Variants in PBRM1 observed in about 807,000 individuals in gnomAD.
The protein encoded by PBRM1 is polybromo 1.
PBRM1 carries 27 observed loss-of-function variants against 194.5 expected under a neutral mutation model. The observed-to-expected ratio is 0.14, with a 90% confidence interval of 0.10 to 0.19. The LOEUF is 0.19. Ranked by LOEUF, PBRM1 falls within the 10% of genes least tolerant of loss-of-function variation. The pLI is 1.00. For synonymous variants in PBRM1, 655 were observed against 693.2 expected (o/e 0.94, Z 0.87); for missense variants, 1,466 against 2,077.2 (o/e 0.71, Z 5.72).
chr3:52,612,448 G>A (rs1015000029), intron 15 of PBRM1, among the ~76,000 whole-genome samples: 2 of 151,764 alleles, frequency 1.3e-5, no homozygotes, highest in African/African-American at 4.8e-5. Flanking sequence ...CTATTTATAA[G>A]AAATAAGGGA....
chr3:52,609,523 A>C lies in PBRM1; in HGVS notation c.2357T>G (p.Phe786Cys). The change falls in exon 16 of 30, where the codon TTT becomes TGT. Residue 786 changes from phenylalanine (F) to cysteine (C), a missense_variant. Transcript: ENST00000296302. This position sits in a 1 kb window ranked among gnomAD's most constrained non-coding sequence, Gnocchi z 4.1. ...ATCCTGATGACTCATGACTGACACAAAAAGATTGTGGATAAGCTCTTGAAT... is the reference window on the plus strand; with the variant it reads ...ATCCTGATGACTCATGACTGACACACAAAGATTGTGGATAAGCTCTTGAAT... 6.2e-7 allele frequency: 1 copy of C among 1,614,036 alleles called. No individual in the cohort carries two copies. Among genetic ancestry groups the C allele is most frequent in the Non-Finnish European group, 8.5e-7 (1 of 1,179,910 alleles).
chr3:52,601,942 G>C (rs2153306506), intron 17 of PBRM1, among the ~76,000 whole-genome samples: 1 of 152,280 alleles, frequency 6.6e-6, no homozygotes, highest in South Asian at 2.1e-4. Context: ...CATGAAGATG[G>C]GTGCCAGTTG....
chr3:52,674,282 G>A (rs1283156458), intron 2 of PBRM1, among the ~76,000 whole-genome samples: 8 of 151,608 alleles, frequency 5.3e-5, no homozygotes, highest in Admixed American at 5.3e-4. Context: ...GGGAGTTTGA[G>A]ACCAGCCTGA....
Position 52,627,965 on chromosome 3 carries a change from C to T in PBRM1, c.1444-595G>A, listed in dbSNP as rs144504865. ...GGGTGATCTAAAATTGCCTTTGTTGCTTCATTGTTCAGAGATTTGCCTTTC... is the reference window on the plus strand; with the variant it reads ...GGGTGATCTAAAATTGCCTTTGTTGTTTCATTGTTCAGAGATTTGCCTTTC... On this transcript the variant is annotated intron_variant, in intron 12 of 29. Transcript: ENST00000296302. Among the ~76,000 whole-genome samples, 612 of 152,236 alleles carry T rather than the reference C, an allele frequency of 4.0e-3. 3 individuals are homozygous for T. Among genetic ancestry groups the T allele is most frequent in the South Asian group, 0.023 (110 of 4,820 alleles).
At chr3:52,677,456 A>G (rs13061253) in intron 2 of PBRM1, among the ~76,000 whole-genome samples, 48,711 of 140,416 alleles carry the variant, frequency 0.35, 9,002 homozygotes, top group Admixed American at 0.48. Flanking sequence ...CTTGTCACCA[A>G]GGCTGGAGTG....
chr3:52,647,318 G>A (rs1016924034), intron 7 of PBRM1, among the ~76,000 whole-genome samples: 11 of 150,548 alleles, frequency 7.3e-5, no homozygotes, highest in African/African-American at 2.4e-4. Flanking sequence ...TATTGCTGGT[G>A]GGAATGTAAA....
intron 22 of PBRM1, among the ~76,000 whole-genome samples, chr3:52,570,025 G>A (rs998650620): frequency 6.6e-6 from 1 of 152,190 alleles, no homozygotes; most frequent in African/African-American, 2.4e-5. Context: ...AGGCTGCAGT[G>A]TAGTGACTCG....
intron 21 of PBRM1, among the ~76,000 whole-genome samples, chr3:52,577,738 G>C (rs2090052284): frequency 6.6e-6 from 1 of 152,160 alleles, no homozygotes; most frequent in South Asian, 2.1e-4. Context: ...CTGGTCTGAA[G>C]CATGATTGTT....
At chr3:52,587,355 T>G in exon 19 of PBRM1, 1 of 1,605,032 alleles carries the variant, frequency 6.2e-7, no homozygotes, top group Non-Finnish European at 8.5e-7. Context: ...TTTCTTACCT[T>G]GACAAACATG....
chr3:52,548,318 T>C (rs2079982562), intron 29 of PBRM1, 83 bp from the exon 32 acceptor site: 4 of 886,576 alleles, frequency 4.5e-6, no homozygotes, highest in Middle Eastern at 3.2e-4. Context: ...GACGAACTTA[T>C]TAAAACACAA....
rs2153732912 is a variant in PBRM1 at position 52,644,797 on chromosome 3, G to C, written c.814-8C>G. ...TTTAATTGAATTTGCATCCTGTCAA[G>C]ATAAAATTACTTGGTTTAAAAAAGG... On this transcript the variant is annotated splice_region_variant and splice_polypyrimidine_tract_variant and intron_variant, in intron 7 of 29. Transcript: ENST00000296302. 7.5e-7 allele frequency: 1 copy of C among 1,325,410 alleles called. No homozygotes were observed. The highest frequency in any genetic ancestry group is 1.2e-5 in the South Asian group (1 of 83,784). The allele number at this position is 1,325,410 out of a possible 1,614,324, so 82.1% of individuals were successfully genotyped here.
chr3:52,622,816 C>G (rs1019058014), intron 13 of PBRM1, among the ~76,000 whole-genome samples: 4 of 152,122 alleles, frequency 2.6e-5, no homozygotes, highest in African/African-American at 9.7e-5. Flanking sequence ...GTCAAATGCC[C>G]TTATCAATAT....
intron 9 of PBRM1, among the ~76,000 whole-genome samples, chr3:52,642,414 A>G (rs887987285): frequency 6.6e-6 from 1 of 152,104 alleles, no homozygotes; most frequent in African/African-American, 2.4e-5. Context: ...CAGGAGTTTG[A>G]GACCAGCCTG....
In PBRM1 at chr3:52,576,534, T is replaced by C. The variant is rs1212673149; in HGVS notation, c.3691+7A>G. 6.3e-7 allele frequency: 1 copy of C among 1,583,566 alleles called. No individual in the cohort carries two copies. ...ACACGATTAAATAAAAAAGCACAAATACCTACCGAGAATACATGTCATGGG... is the reference window on the plus strand; with the variant it reads ...ACACGATTAAATAAAAAAGCACAAACACCTACCGAGAATACATGTCATGGG... On this transcript the variant is annotated splice_region_variant and intron_variant, in intron 22 of 29. Coordinates refer to ENST00000296302, the Ensembl canonical transcript of PBRM1.
chr3:52,589,844 T>G lies in PBRM1; in HGVS notation c.2780-589A>C, dbSNP rs2092837017. Among the ~76,000 whole-genome samples, 4 of 152,276 alleles carry G rather than the reference T, an allele frequency of 2.6e-5. No individual in the cohort carries two copies. In the South Asian group the frequency reaches 8.3e-4, roughly 32 times the overall value. Reference sequence around the variant, plus strand: ...TTTTATTTTTATTTATTTATTTTTTTCGAGACGGAGTTTCGCTCTTGTTGC... The same window carrying G: ...TTTTATTTTTATTTATTTATTTTTTGCGAGACGGAGTTTCGCTCTTGTTGC... On this transcript the variant is annotated intron_variant, in intron 17 of 29. Coordinates refer to ENST00000296302, the Ensembl canonical transcript of PBRM1.
intron 24 of PBRM1, 78 bp from the exon 27 acceptor site, chr3:52,562,046 G>A: frequency 8.7e-7 from 1 of 1,144,892 alleles, no homozygotes; most frequent in Non-Finnish European, 1.3e-6. Context: ...AGCCAGCCGG[G>A]CGCGGTGGCT....
At chr3:52,583,619 C>G (rs189802967) in intron 20 of PBRM1, among the ~76,000 whole-genome samples, 1 of 152,016 alleles carries the variant, frequency 6.6e-6, no homozygotes, top group African/African-American at 2.4e-5. Context: ...TACTTTCCCC[C>G]CTAGACCCTA....
chr3:52,636,639 C>G (rs2095823108), intron 10 of PBRM1, among the ~76,000 whole-genome samples: 1 of 150,854 alleles, frequency 6.6e-6, no homozygotes, highest in Non-Finnish European at 1.5e-5. Flanking sequence ...TGACTGTAAT[C>G]CCAGCTACTC....
intron 3 of PBRM1, among the ~76,000 whole-genome samples, chr3:52,663,717 GA>G (rs2096772061): frequency 6.6e-6 from 1 of 152,178 alleles, no homozygotes; most frequent in Non-Finnish European, 1.5e-5. Flanking sequence ...TAGATTATCA[GA>G]ATAATCTACC....
Sources: allele counts gnomAD v4.1 joint callset (sites outside exome capture counted in the v4.1 genomes callset), GRCh38; gene constraint gnomAD v4.1.1; non-coding constraint Gnocchi (gnomAD v3.1); transcripts MANE v1.5; gene names NCBI Gene and HGNC (gene_info 2026-07-23, HGNC 2026-07-21).